Variants in RPAP1 observed in about 807,000 individuals in gnomAD.
The protein encoded by RPAP1 is RNA polymerase II associated protein 1, also known as RNA polymerase II-associated protein 1.
A neutral mutation model predicts 142.4 loss-of-function variants in RPAP1; 109 were observed. The observed-to-expected ratio is 0.77, with a 90% CI of 0.66 to 0.90. RPAP1 has a LOEUF of 0.90. Ranked by LOEUF, RPAP1 falls within the 40% of genes least tolerant of loss-of-function variation. The pLI, the probability that RPAP1 is intolerant of heterozygous loss-of-function variation, is 0.00. For missense variants in RPAP1, 1,546 were observed against 1,751.7 expected, an observed-to-expected ratio of 0.88 and a Z score of 2.10; for synonymous variants, 704 against 738.9, an observed-to-expected ratio of 0.95 and a Z score of 0.77.
In RPAP1 at chr15:41,522,128, C is replaced by T; in HGVS notation, c.2865G>A (p.Gln955=). ...AWALRHEYHL[Q]YLALALAQKA... ...TCTGGGCCAGAGCGAGTGCCAGGTACTGCAGGTGGTACTCATGGCGCAGGG... is the reference window on the plus strand; with the variant it reads ...TCTGGGCCAGAGCGAGTGCCAGGTATTGCAGGTGGTACTCATGGCGCAGGG... The change falls in exon 20 of 25, where the codon CAG becomes CAA. Residue 955 remains glutamine (Q), a synonymous_variant. Transcript: ENST00000304330. 1.2e-6 allele frequency: 2 copies of T among 1,613,856 alleles called. No homozygotes were observed. The highest frequency in any genetic ancestry group is 1.7e-6 in the Non-Finnish European group (2 of 1,179,990).
At position 41,521,040 on chromosome 15, in the gene RPAP1, C is replaced by T; in HGVS notation, c.3146G>A (p.Cys1049Tyr). The T allele has an allele frequency of 1.3e-6, 2 of 1,592,720 alleles. No individual in the cohort carries two copies. Among genetic ancestry groups the T allele is most frequent in the Non-Finnish European group, 8.6e-7 (1 of 1,169,554 alleles). The change falls in exon 22 of 25, where the codon TGC (cysteine) becomes TAC (tyrosine). Residue 1049 changes from cysteine (C) to tyrosine (Y), a missense_variant. Around this residue, in one of 3 missense-constraint regions of RPAP1, gnomAD observed 1,333 missense variants for 1,486.6 expected, o/e 0.90. Coordinates refer to ENST00000304330, the MANE Select transcript of RPAP1 (RefSeq NM_015540.4). ...CGQGTLLAQA[C>Y]QDLPSIRNCY... ...GTTGCGGATGCTGGGGAGGTCCTGG[C>T]AGGCCTGAGCCAGCAGAGTCCCTTG...
chr15:41,520,308 T>C (rs1166033830), intron 22 of RPAP1, 83 bp downstream of exon 22: 1 of 1,493,246 alleles, frequency 6.7e-7, no homozygotes, highest in East Asian at 2.4e-5. Flanking sequence ...AGCTGAGGTC[T>C]TCCAAAGCTC....
At chr15:41,531,649 T>A (rs2051852978) in intron 6 of RPAP1, among the ~76,000 whole-genome samples, 1 of 75,116 alleles carries the variant, frequency 1.3e-5, no homozygotes, top group Non-Finnish European at 2.6e-5. Context: ...TTTTTTTTTT[T>A]TTTTTTTTTG....
intron 21 of RPAP1, 70 bp downstream of exon 21, chr15:41,521,668 A>G: frequency 2.6e-6 from 4 of 1,541,994 alleles, no homozygotes; most frequent in Non-Finnish European, 3.5e-6. Flanking sequence ...CTCCAAATTC[A>G]GGGCTGCTCT....
chr15:41,524,578 C>A (rs558030819), intron 15 of RPAP1, among the ~76,000 whole-genome samples: 89 of 151,464 alleles, frequency 5.9e-4, no homozygotes, highest in African/African-American at 2.0e-3. Context: ...CAGGTTAAAC[C>A]GGTTCTCCTG....
rs778492124 is a variant in RPAP1, at chr15:41,527,463, C to G, written c.1571G>C (p.Ser524Thr). The stretch of plus-strand genomic sequence containing the variant: ...TCGGGCCAGGTCAGGTGGAGGCCGG[C>G]TTTCTTCTTCAGGGCTTTTCCTTTT... ...KAKRKSPEEESRPPPDLARHD... is the reference protein window; with the variant it reads ...KAKRKSPEEETRPPPDLARHD... Residue 524 changes from serine (S) to threonine (T), a missense_variant, in exon 12 of 25, where the codon AGC (serine) becomes ACC (threonine). Coordinates refer to ENST00000304330, the MANE Select transcript of RPAP1 (RefSeq NM_015540.4). The G allele has an allele frequency of 2.5e-6, 4 of 1,614,106 alleles. No homozygotes were observed. Among genetic ancestry groups the G allele is most frequent in the Non-Finnish European group, 3.4e-6 (4 of 1,180,056 alleles).
intron 9 of RPAP1, 108 bp from the exon 10 acceptor site, chr15:41,528,444 C>T (rs1175270937): frequency 3.9e-6 from 3 of 772,924 alleles, no homozygotes; most frequent in Non-Finnish European, 4.3e-6. Context: ...GAAATCTGCC[C>T]TGCTTTCCAT....
chr15:41,535,547 A>C lies in RPAP1; in HGVS notation c.506T>G (p.Val169Gly). The C allele has an allele frequency of 6.2e-7, 1 of 1,613,384 alleles. No individual in the cohort carries two copies. Among genetic ancestry groups the C allele is most frequent in the Non-Finnish European group, 8.5e-7 (1 of 1,179,750 alleles). ...RRIAEAKGPS[V>G]GEVVPNVGPP... ...GCCCACGTTGGGCACAACTTCCCCA[A>C]CTGATGGGCCCTTGGCTTCAGCTAT... The change falls in exon 5 of 25, where the codon GTT becomes GGT. Residue 169 changes from valine to glycine, a missense_variant. By Grantham distance (109) the Val-to-Gly change is moderately radical (BLOSUM62 -3). This residue lies in a region of RPAP1 where 1,333 missense variants were observed against 1,486.6 expected (regional missense o/e 0.90). Coordinates refer to ENST00000304330, the MANE Select transcript of RPAP1 (RefSeq NM_015540.4).
chr15:41,529,658 C>G (rs931443614), intron 8 of RPAP1, 90 bp from the exon 9 acceptor site: 3 of 1,014,652 alleles, frequency 3.0e-6, no homozygotes, highest in Non-Finnish European at 1.5e-6. Flanking sequence ...CCTTTCAGGA[C>G]TTAGGTACTG....
intron 1 of RPAP1, among the ~76,000 whole-genome samples, chr15:41,540,340 T>G (rs1157207917): frequency 6.6e-6 from 1 of 151,818 alleles, no homozygotes; most frequent in Non-Finnish European, 1.5e-5. Context: ...TCACTCTTGT[T>G]GCCCAGGCTG....
Position 41,529,100 on chromosome 15 carries a change from GC to G in RPAP1, c.1158+369del, listed in dbSNP as rs568528507. On this transcript the variant is annotated intron_variant, in intron 9 of 24. Coordinates refer to ENST00000304330, the MANE Select transcript of RPAP1 (RefSeq NM_015540.4). ...GCCTGTAATCCCAGCACTTTGGGAGGCCGAGGCAGGCGGATCACAAGCTCAG... is the reference window on the plus strand; with the variant it reads ...GCCTGTAATCCCAGCACTTTGGGAGGCGAGGCAGGCGGATCACAAGCTCAG... 1.4e-4 allele frequency among the ~76,000 whole-genome samples: 22 copies of G among 152,308 alleles called. 1 individual carries two copies. In the South Asian group the frequency reaches 4.6e-3, roughly 32 times the overall value.
At chr15:41,535,097 C>T (rs564121472) in intron 5 of RPAP1, among the ~76,000 whole-genome samples, 162 bp from the exon 6 acceptor site, 15 of 152,342 alleles carry the variant, frequency 9.8e-5, no homozygotes, top group Non-Finnish European at 1.8e-4. Context: ...CTCCAGGTGG[C>T]TTCTCCACTC....
At chr15:41,522,322 C>A in intron 19 of RPAP1, 72 bp from the exon 20 acceptor site, 1 of 1,452,266 alleles carries the variant, frequency 6.9e-7, no homozygotes, top group Non-Finnish European at 9.4e-7. Flanking sequence ...AGGTGGCTGC[C>A]CCTCTCCAGA....
At position 41,531,134 on chromosome 15, in the gene RPAP1, C is replaced by T; in HGVS notation, c.832G>A (p.Glu278Lys). ...TQEQTGETAS[E>K]EQRPGGPSAN... ...GAGGGTCCTCCTGGCCTCTGCTCCTCAGAGGCTGTCTCTCCTGTTTGCTCT... is the reference window on the plus strand; with the variant it reads ...GAGGGTCCTCCTGGCCTCTGCTCCTTAGAGGCTGTCTCTCCTGTTTGCTCT... The change falls in exon 7 of 25, where the codon GAG becomes AAG. Residue 278 changes from glutamate to lysine, a missense_variant. Glu to Lys is a moderately conservative substitution (Grantham distance 56). Transcript: ENST00000304330. 1.9e-6 allele frequency: 3 copies of T among 1,614,062 alleles called. No homozygotes were observed. Among genetic ancestry groups the T allele is most frequent in the Non-Finnish European group, 2.5e-6 (3 of 1,179,968 alleles).
chr15:41,519,305 T>G (rs2051700812), intron 22 of RPAP1, among the ~76,000 whole-genome samples: 1 of 152,126 alleles, frequency 6.6e-6, no homozygotes, highest in African/African-American at 2.4e-5. Flanking sequence ...CCTCCTGGGT[T>G]CAAGCGATTC....
Position 41,536,233 on chromosome 15 carries a change from C to T in RPAP1, c.331-15G>A, listed in dbSNP as rs1454567667. On this transcript the variant is annotated splice_polypyrimidine_tract_variant and intron_variant, in intron 3 of 24. Transcript: ENST00000304330. Reference sequence around the variant, plus strand: ...GTATCTCGTTCCTGTAGCAACAAAGCACAAAGTTGTGAAGCACAATGGAGA... The same window carrying T: ...GTATCTCGTTCCTGTAGCAACAAAGTACAAAGTTGTGAAGCACAATGGAGA... 2 of 1,612,336 alleles carry T rather than the reference C, an allele frequency of 1.2e-6. No individual in the cohort carries two copies. The highest frequency in any genetic ancestry group is 1.7e-4 in the Middle Eastern group (1 of 6,050).
At position 41,517,339 on chromosome 15, in the gene RPAP1, C is replaced by G. The variant is rs1002301264; in HGVS notation, c.*203G>C. 1.0e-5 allele frequency: 5 copies of G among 498,842 alleles called. No homozygotes were observed. Among genetic ancestry groups the G allele is most frequent in the Non-Finnish European group, 1.7e-5 (5 of 285,894 alleles). 30.9% of individuals were successfully genotyped at this position (498,842 alleles called of 1,614,324 possible). On this transcript the variant is annotated 3_prime_UTR_variant, in exon 25 of 25. Coordinates refer to ENST00000304330, the MANE Select transcript of RPAP1 (RefSeq NM_015540.4). ...GCCACTCTTCACTCCCAGTACAGAC[C>G]TTCAGAAGCCCCAGATATCAGGATG...
rs935361327 is a variant in RPAP1, at chr15:41,525,414, C to T, written c.1918-266G>A. On this transcript the variant is annotated intron_variant, in intron 14 of 24. Transcript: ENST00000304330. ...AGTGCAGTGGAGTGATCTTGGCTCACCACAACTTCTGTCTCCCAGGTTCAA... is the reference window on the plus strand; with the variant it reads ...AGTGCAGTGGAGTGATCTTGGCTCATCACAACTTCTGTCTCCCAGGTTCAA... Among the ~76,000 whole-genome samples the T allele has an allele frequency of 2.6e-5, 4 of 151,932 alleles. No homozygotes were observed. The East Asian group carries it at 7.7e-4, about 29-fold the overall frequency.
At chr15:41,524,923 T>A (rs1400186323) in intron 15 of RPAP1, 68 bp downstream of exon 15, 2 of 1,502,338 alleles carry the variant, frequency 1.3e-6, no homozygotes, top group Non-Finnish European at 1.8e-6. Context: ...AAGGCTGAGG[T>A]GTTTGATTTG....
Sources: allele counts gnomAD v4.1 joint callset (sites outside exome capture counted in the v4.1 genomes callset), GRCh38; gene constraint gnomAD v4.1.1; regional missense constraint gnomAD v4.1.1; transcripts MANE v1.5; gene names NCBI Gene and HGNC (gene_info 2026-07-23, HGNC 2026-07-21).